SCHIP1: variants seen among roughly 807,000 people sequenced by gnomAD.
SCHIP1 encodes the protein schwannomin interacting protein 1, also known as schwannomin-interacting protein 1.
SCHIP1 carries 8 observed loss-of-function variants against 29.7 expected under a neutral mutation model. The ratio of observed to expected loss-of-function variants is 0.27; its 90% CI spans 0.16 to 0.49. SCHIP1 has a LOEUF of 0.49. Among genes scored for constraint, SCHIP1 ranks in the 20% least tolerant of loss-of-function variants. SCHIP1 has a pLI of 0.99. For missense variants in SCHIP1, 193 were observed against 294.6 expected, an observed-to-expected ratio of 0.66 and a Z score of 2.52; for synonymous variants, 76 against 94.9, an observed-to-expected ratio of 0.80 and a Z score of 1.16.
chr3:159,702,635 G>A, the SCHIP1 span, among the ~76,000 whole-genome samples: 1 of 152,196 alleles, frequency 6.6e-6, no homozygotes, highest in Non-Finnish European at 1.5e-5. Context: ...AAGAAAAAAT[G>A]CGCTCTGAAA....
At chr3:159,886,712 C>T (rs953006254) in intron 3 of SCHIP1, 1 of 182,090 alleles carries the variant, frequency 5.5e-6, no homozygotes, top group Non-Finnish European at 1.1e-5. Context: ...GCTATGATGA[C>T]ACCTCTGCAC....
the SCHIP1 span, chr3:159,768,485 G>A: frequency 6.6e-6 from 1 of 152,236 alleles, no homozygotes; most frequent in East Asian, 1.9e-4. Flanking sequence ...AAAATGGGAT[G>A]ACAATCAGCT....
the SCHIP1 span, among the ~76,000 whole-genome samples, chr3:159,738,850 C>T: frequency 6.6e-6 from 1 of 152,114 alleles, no homozygotes; most frequent in African/African-American, 2.4e-5. Context: ...CAGGGAAGGC[C>T]TGACTGAGGA....
At chr3:159,828,914 A>G in the SCHIP1 span, among the ~76,000 whole-genome samples, 1 of 152,170 alleles carries the variant, frequency 6.6e-6, no homozygotes, top group Non-Finnish European at 1.5e-5. Context: ...TCTTGACATG[A>G]CAACCCAACT....
chr3:159,664,551 T>C, the SCHIP1 span, among the ~76,000 whole-genome samples: 3 of 152,190 alleles, frequency 2.0e-5, no homozygotes. Context: ...ATAAGTTCAA[T>C]AGAGTTTTCC....
At chr3:159,723,344 A>G in the SCHIP1 span, among the ~76,000 whole-genome samples, 1 of 152,232 alleles carries the variant, frequency 6.6e-6, no homozygotes, top group Non-Finnish European at 1.5e-5. Context: ...TTACAAATAT[A>G]AGAATTTTTA....
the SCHIP1 span, among the ~76,000 whole-genome samples, chr3:159,399,626 C>T: frequency 2.0e-5 from 3 of 152,130 alleles, no homozygotes; most frequent in African/African-American, 4.8e-5. Flanking sequence ...GCAACAGATT[C>T]TTAGAGTAGT....
At chr3:159,555,011 A>T in the SCHIP1 span, among the ~76,000 whole-genome samples, 227 of 152,258 alleles carry the variant, frequency 1.5e-3, no homozygotes, top group African/African-American at 5.3e-3. Flanking sequence ...AATAAAAGTA[A>T]AACTGATACC....
At chr3:159,840,018 A>G in exon 1 of SCHIP1, 1 of 1,446,670 alleles carries the variant, frequency 6.9e-7, no homozygotes, top group Non-Finnish European at 9.0e-7. Flanking sequence ...CGGCACAGGC[A>G]GTGCCACTGC....
At chr3:159,758,183 T>G in the SCHIP1 span, among the ~76,000 whole-genome samples, 1 of 152,176 alleles carries the variant, frequency 6.6e-6, no homozygotes, top group Non-Finnish European at 1.5e-5. Flanking sequence ...GACAGAGTCT[T>G]GCTCTGTCAC....
the SCHIP1 span, among the ~76,000 whole-genome samples, chr3:159,597,069 T>C: frequency 6.6e-6 from 1 of 151,890 alleles, no homozygotes; most frequent in African/African-American, 2.4e-5. Flanking sequence ...CAACTGTGAC[T>C]TCTCTTACCA....
chr3:159,830,314 C>T, the SCHIP1 span, among the ~76,000 whole-genome samples: 1 of 152,092 alleles, frequency 6.6e-6, no homozygotes, highest in Admixed American at 6.6e-5. Flanking sequence ...TAATTTTATC[C>T]TGATAGAAAC....
chr3:159,428,887 TC>T, the SCHIP1 span, among the ~76,000 whole-genome samples: 1 of 152,098 alleles, frequency 6.6e-6, no homozygotes. Flanking sequence ...TGAGTTCATG[TC>T]CTTTGTAGGG....
At chr3:159,399,782 T>A in the SCHIP1 span, among the ~76,000 whole-genome samples, 1 of 152,090 alleles carries the variant, frequency 6.6e-6, no homozygotes, top group East Asian at 1.9e-4. Flanking sequence ...GCTCAAGCAA[T>A]CTTATTTCTT....
the SCHIP1 span, among the ~76,000 whole-genome samples, chr3:159,600,119 C>A: frequency 1.1e-4 from 16 of 152,094 alleles, no homozygotes; most frequent in Non-Finnish European, 1.3e-4. Flanking sequence ...GACTAGGCAC[C>A]TTTTTCATGT....
At chr3:159,477,312 A>C in the SCHIP1 span, among the ~76,000 whole-genome samples, 2 of 152,170 alleles carry the variant, frequency 1.3e-5, no homozygotes, top group Non-Finnish European at 2.9e-5. Context: ...GACAAGTAGT[A>C]AGATTGCTGA....
At chr3:159,748,412 A>C in the SCHIP1 span, among the ~76,000 whole-genome samples, 2 of 152,258 alleles carry the variant, frequency 1.3e-5, no homozygotes, top group African/African-American at 4.8e-5. Context: ...GTTGATTCAA[A>C]GAAAAGAATT....
the SCHIP1 span, among the ~76,000 whole-genome samples, chr3:159,548,637 T>C: frequency 6.6e-6 from 1 of 152,040 alleles, no homozygotes; most frequent in Non-Finnish European, 1.5e-5. Flanking sequence ...TTTCTATTGC[T>C]CTCTCTTAAG....
At chr3:159,373,027 C>T in the SCHIP1 span, among the ~76,000 whole-genome samples, 36 of 151,602 alleles carry the variant, frequency 2.4e-4, no homozygotes, top group South Asian at 2.1e-3. Context: ...ATCATTTATC[C>T]ATTTAAATTT....
Sources: allele counts gnomAD v4.1 joint callset (sites outside exome capture counted in the v4.1 genomes callset), GRCh38; gene constraint gnomAD v4.1.1; transcripts MANE v1.5; gene names NCBI Gene and HGNC (gene_info 2026-07-23, HGNC 2026-07-21).